The following PRELID2 variants were observed in gnomAD, a reference collection of about 807,000 sequenced individuals.
PRELID2 encodes the protein PRELI domain containing 2.
A neutral mutation model predicts 28.4 loss-of-function variants in PRELID2; 25 were observed. That is an observed-to-expected ratio of 0.88 (90% CI 0.64 to 1.23). PRELID2 has a LOEUF of 1.23. Ranked by LOEUF, PRELID2 falls within the 50% of genes most tolerant of loss-of-function variation. The pLI, the probability that PRELID2 is intolerant of heterozygous loss-of-function variation, is 0.00. For synonymous variants in PRELID2, 76 were observed against 71.6 expected, an observed-to-expected ratio of 1.06 and a Z score of -0.31; for missense variants, 201 against 214.4, an observed-to-expected ratio of 0.94 and a Z score of 0.39.
chr5:145,409,495 C>T, the PRELID2 span, among the ~76,000 whole-genome samples: 1 of 152,078 alleles, frequency 6.6e-6, no homozygotes, highest in East Asian at 1.9e-4. Flanking sequence ...ACACATAAGG[C>T]CTCACATAAA....
At chr5:145,378,393 T>G in the PRELID2 span, among the ~76,000 whole-genome samples, 3 of 152,282 alleles carry the variant, frequency 2.0e-5, no homozygotes, top group Admixed American at 2.0e-4. Flanking sequence ...CAAGTTGGTT[T>G]CATTCTCCCC....
chr5:145,256,686 T>A, the PRELID2 span, among the ~76,000 whole-genome samples: 1 of 151,908 alleles, frequency 6.6e-6, no homozygotes, highest in South Asian at 2.1e-4. Context: ...CCTAAGCAGA[T>A]AATTATAAAA....
rs530741887 is a variant in PRELID2 at position 145,505,579 on chromosome 5, C to A, written n.71-32264G>T. Among the ~76,000 whole-genome samples the A allele has an allele frequency of 2.0e-5, 3 of 152,284 alleles. No homozygotes were observed. In the East Asian group the frequency reaches 5.8e-4, roughly 29 times the overall value. ...AATATAAATCAGATCATATGACTCT[C>A]CAGCTCGAAATCCTCATACTTGGAA... On this transcript the variant is annotated intron_variant and non_coding_transcript_variant, in intron 1 of 2. Transcript: ENST00000510259.
At chr5:145,786,314 G>A (rs1319845777) in intron 5 of PRELID2, among the ~76,000 whole-genome samples, 3 of 152,150 alleles carry the variant, frequency 2.0e-5, no homozygotes, top group Admixed American at 6.5e-5. Context: ...AGTGTGGGCT[G>A]TGACTTTCTT....
rs578221673 is a variant in PRELID2, at chr5:145,521,159, T to C, written n.71-47844A>G. On this transcript the variant is annotated intron_variant and non_coding_transcript_variant, in intron 1 of 2. Coordinates refer to the PRELID2 transcript ENST00000510259. ...ATCTCAGGCTGGAGAGAAAGAAGAATTGCCAGTTGCTGAGATCCTAGTCAT... is the reference window on the plus strand; with the variant it reads ...ATCTCAGGCTGGAGAGAAAGAAGAACTGCCAGTTGCTGAGATCCTAGTCAT... 9.8e-5 allele frequency among the ~76,000 whole-genome samples: 15 copies of C among 152,306 alleles called. No individual in the cohort carries two copies. In the South Asian group the frequency reaches 3.1e-3, roughly 32 times the overall value.
chr5:145,699,693 G>A (rs1394431399), intron 1 of PRELID2, among the ~76,000 whole-genome samples: 4 of 152,170 alleles, frequency 2.6e-5, no homozygotes, highest in Non-Finnish European at 5.9e-5. Flanking sequence ...CAAATCCAAA[G>A]AGAAGAAATG....
rs1753647067 is a variant in PRELID2, at chr5:145,808,107, C to A, written c.368+9787G>T. ...GATTATCCACTGGTGCACTGGAAAT[C>A]AAGGTTAATATGAGCAGAGGGAGTC... is the stretch of plus-strand genomic sequence containing the variant. On this transcript the variant is annotated intron_variant, in intron 4 of 6. Coordinates refer to ENST00000683046, the MANE Select transcript of PRELID2 (RefSeq NM_205846.3). Among the ~76,000 whole-genome samples the A allele has an allele frequency of 2.0e-5, 3 of 152,090 alleles. No individual in the cohort carries two copies. In the South Asian group the frequency reaches 6.2e-4, roughly 32 times the overall value.
chr5:145,774,554 C>T (rs919177836), intron 5 of PRELID2, among the ~76,000 whole-genome samples: 1 of 152,202 alleles, frequency 6.6e-6, no homozygotes, highest in Non-Finnish European at 1.5e-5. Context: ...AGGGGCCCCT[C>T]ATAATGGGAC....
the PRELID2 span, among the ~76,000 whole-genome samples, chr5:145,436,536 A>T: frequency 2.8e-4 from 43 of 152,180 alleles, 1 homozygote; most frequent in Non-Finnish European, 4.6e-4. Context: ...ACTAATTTAC[A>T]TTCCCACCAG....
chr5:145,753,183 G>A (rs1043273223), downstream of PRELID2, among the ~76,000 whole-genome samples: 5 of 152,180 alleles, frequency 3.3e-5, no homozygotes, highest in African/African-American at 9.7e-5. Context: ...TGAGAATGCT[G>A]GAGAATAGCT....
intron 1 of PRELID2, among the ~76,000 whole-genome samples, chr5:145,551,690 G>T (rs747425100): frequency 1.3e-5 from 2 of 152,172 alleles, no homozygotes; most frequent in Non-Finnish European, 1.5e-5. Flanking sequence ...GGTCTTGGCA[G>T]AAAACAGATG....
intron 1 of PRELID2, among the ~76,000 whole-genome samples, chr5:145,726,146 C>G (rs1340063217): frequency 6.8e-6 from 1 of 147,654 alleles, no homozygotes; most frequent in East Asian, 2.0e-4. Flanking sequence ...TCTAGCCTGG[C>G]TGACAGAGCA....
chr5:145,518,409 A>C (rs545385690), intron 1 of PRELID2, among the ~76,000 whole-genome samples: 21 of 152,054 alleles, frequency 1.4e-4, no homozygotes, highest in Non-Finnish European at 2.9e-4. Flanking sequence ...CATATTGGCC[A>C]GGCTGGTCTC....
intron 1 of PRELID2, among the ~76,000 whole-genome samples, chr5:145,495,895 T>C (rs1163083921): frequency 6.6e-6 from 1 of 152,144 alleles, no homozygotes; most frequent in African/African-American, 2.4e-5. Context: ...TGAATAAAAA[T>C]TGTCTGTGTC....
intron 5 of PRELID2, among the ~76,000 whole-genome samples, chr5:145,789,645 T>C (rs561264973): frequency 5.3e-5 from 8 of 152,208 alleles, no homozygotes; most frequent in East Asian, 1.9e-4. Flanking sequence ...ACAAATAAGA[T>C]TGCATCAAAC....
chr5:145,312,189 T>C, the PRELID2 span, among the ~76,000 whole-genome samples: 3 of 125,028 alleles, frequency 2.4e-5, no homozygotes, highest in Admixed American at 8.0e-5. Context: ...CTACTAAAAA[T>C]ACAAAAAAAA....
At chr5:145,780,649 G>A (rs1019493436) in intron 5 of PRELID2, among the ~76,000 whole-genome samples, 1 of 152,046 alleles carries the variant, frequency 6.6e-6, no homozygotes, top group African/African-American at 2.4e-5. Flanking sequence ...TTTTTAGGAG[G>A]AGTATGATAA....
chr5:145,298,619 A>G, the PRELID2 span, among the ~76,000 whole-genome samples: 6 of 151,984 alleles, frequency 3.9e-5, no homozygotes, highest in Non-Finnish European at 8.8e-5. Flanking sequence ...TGGCCCTTCC[A>G]TTTTCTGCCA....
At chr5:145,674,736 GA>G (rs1754780083) in intron 1 of PRELID2, among the ~76,000 whole-genome samples, 1 of 152,124 alleles carries the variant, frequency 6.6e-6, no homozygotes, top group African/African-American at 2.4e-5. Flanking sequence ...TTGAGGCTAG[GA>G]ATTTGAGACC....
Sources: allele counts gnomAD v4.1 joint callset (sites outside exome capture counted in the v4.1 genomes callset), GRCh38; gene constraint gnomAD v4.1.1; transcripts MANE v1.5; gene names NCBI Gene and HGNC (gene_info 2026-07-23, HGNC 2026-07-21).